NTRK2: variants seen among roughly 807,000 people sequenced by gnomAD.
NTRK2 encodes the protein BDNF/NT-3 growth factors receptor.
In NTRK2, 13 loss-of-function variants were observed where a neutral mutation model predicts 94.5. That is an observed-to-expected ratio of 0.14 (90% confidence interval 0.09 to 0.22). The LOEUF is 0.22. Ranked by LOEUF, NTRK2 falls within the 10% of genes least tolerant of loss-of-function variation. NTRK2 has a pLI of 1.00. For synonymous variants in NTRK2, 372 were observed against 407.4 expected, an observed-to-expected ratio of 0.91 and a Z score of 1.05; for missense variants, 639 against 1,071.2, an observed-to-expected ratio of 0.60 and a Z score of 5.63.
intron 14 of NTRK2, among the ~76,000 whole-genome samples, chr9:84,921,432 G>C (rs2077563823): frequency 6.6e-6 from 1 of 152,152 alleles, no homozygotes; most frequent in Admixed American, 6.5e-5. Context: ...TAACACCAGT[G>C]ATTCTTGACA....
chr9:84,994,576 C>T (rs1829504964), intron 17 of NTRK2, among the ~76,000 whole-genome samples: 1 of 152,166 alleles, frequency 6.6e-6, no homozygotes, highest in South Asian at 2.1e-4. Context: ...TGTTACCACT[C>T]CCAGATCACT....
intron 4 of NTRK2, among the ~76,000 whole-genome samples, chr9:84,702,775 C>T (rs112182030): frequency 0.012 from 1,797 of 152,270 alleles, 35 homozygotes; most frequent in East Asian, 0.047. Flanking sequence ...CTAGTGGAAT[C>T]GAAAGAAGCT....
At chr9:84,872,391 C>T in intron 14 of NTRK2, 6 of 1,088,862 alleles carry the variant, frequency 5.5e-6, no homozygotes, top group Admixed American at 9.0e-5. Flanking sequence ...TTATCTTCTC[C>T]CGTCGGAGCA....
rs2059473807 is a variant in NTRK2, at chr9:84,682,806, C to T, written c.212+11846C>T. ...CCTCTTCTACATCTTGGTCGTTTTT[C>T]ACTTGACGATGTATCTTAAAAATGT... On this transcript the variant is annotated intron_variant, in intron 2 of 18. Transcript: ENST00000277120. Among the ~76,000 whole-genome samples the T allele has an allele frequency of 2.0e-5, 3 of 152,190 alleles. No individual in the cohort carries two copies. In the South Asian group the frequency reaches 6.2e-4, roughly 31 times the overall value.
intron 2 of NTRK2, among the ~76,000 whole-genome samples, chr9:84,696,377 G>A (rs926046854): frequency 1.3e-5 from 2 of 152,176 alleles, no homozygotes; most frequent in Admixed American, 1.3e-4. Context: ...ATCTAAATTA[G>A]CTTTTAGATT....
At chr9:84,706,451 C>T (rs916637848) in intron 4 of NTRK2, among the ~76,000 whole-genome samples, 3 of 151,204 alleles carry the variant, frequency 2.0e-5, no homozygotes, top group African/African-American at 2.4e-5. Context: ...CTTGGGCTGA[C>T]GGCAAAGAGT....
intron 12 of NTRK2, among the ~76,000 whole-genome samples, chr9:84,859,292 G>A (rs946934105): frequency 5.3e-5 from 8 of 152,300 alleles, no homozygotes; most frequent in Middle Eastern, 6.8e-3. Flanking sequence ...ATTGGAAATT[G>A]TGCGTCTTTA....
chr9:84,789,234 A>G (rs1257964889), intron 12 of NTRK2, among the ~76,000 whole-genome samples: 1 of 152,178 alleles, frequency 6.6e-6, no homozygotes, highest in African/African-American at 2.4e-5. Context: ...GTCCTCAGGT[A>G]TGGCTGGAAG....
chr9:84,815,578 T>A (rs1247106318), intron 12 of NTRK2: 1 of 1,011,548 alleles, frequency 9.9e-7, no homozygotes, highest in Admixed American at 5.9e-5. Flanking sequence ...CCACATTTTC[T>A]GTAAATAATG....
chr9:85,011,643 G>A (rs1347612090), intron 17 of NTRK2, among the ~76,000 whole-genome samples: 1 of 152,152 alleles, frequency 6.6e-6, no homozygotes, highest in Non-Finnish European at 1.5e-5. Flanking sequence ...CAAATTGGCT[G>A]GAACCTTGAC....
rs370833799 is a variant in NTRK2, at chr9:84,990,573, C to T, written c.2173-29633C>T. 4.6e-5 allele frequency among the ~76,000 whole-genome samples: 7 copies of T among 152,300 alleles called. No individual in the cohort carries two copies. The East Asian group carries it at 1.4e-3, about 29-fold the overall frequency. ...AGATAAAGGCATGGTGGAATTTGCC[C>T]ATTCCTTTGAGTGAAGGAAACTGTC... On this transcript the variant is annotated intron_variant, in intron 17 of 18. Transcript: ENST00000277120.
At chr9:84,995,758 C>T (rs1379704116) in intron 17 of NTRK2, among the ~76,000 whole-genome samples, 1 of 152,192 alleles carries the variant, frequency 6.6e-6, no homozygotes, top group African/African-American at 2.4e-5. Flanking sequence ...TAAGGACATA[C>T]CACCTTTATC....
intron 2 of NTRK2, among the ~76,000 whole-genome samples, chr9:84,697,745 A>G (rs992061031): frequency 3.9e-5 from 6 of 152,186 alleles, no homozygotes; most frequent in East Asian, 1.9e-4. Flanking sequence ...TTCTGTTTCC[A>G]TGCGGAGGCT....
At chr9:84,834,997 G>A (rs1050443866) in intron 12 of NTRK2, among the ~76,000 whole-genome samples, 3 of 152,184 alleles carry the variant, frequency 2.0e-5, no homozygotes, top group Non-Finnish European at 4.4e-5. Flanking sequence ...TACATTCCTG[G>A]TAGTGGGTAT....
intron 12 of NTRK2, among the ~76,000 whole-genome samples, chr9:84,835,208 G>A (rs1379160428): frequency 6.6e-6 from 1 of 152,178 alleles, no homozygotes; most frequent in Non-Finnish European, 1.5e-5. Context: ...GTGGCATTTA[G>A]TAGGTGTCGC....
intron 12 of NTRK2, among the ~76,000 whole-genome samples, chr9:84,837,588 G>A (rs1450316116): frequency 6.6e-6 from 1 of 152,154 alleles, no homozygotes; most frequent in African/African-American, 2.4e-5. Context: ...AAAGAATTTT[G>A]TCTGATTGAA....
At chr9:84,846,361 C>A (rs1369258926) in intron 12 of NTRK2, among the ~76,000 whole-genome samples, 2 of 152,210 alleles carry the variant, frequency 1.3e-5, no homozygotes, top group Non-Finnish European at 2.9e-5. Flanking sequence ...CAAGCAAAAG[C>A]TATATTTCTA....
At chr9:84,865,652 A>T (rs905292659) in intron 13 of NTRK2, among the ~76,000 whole-genome samples, 2 of 152,230 alleles carry the variant, frequency 1.3e-5, no homozygotes, top group African/African-American at 4.8e-5. Flanking sequence ...AAGAAAGCAC[A>T]TTTCCTTGCG....
chr9:84,835,783 A>G (rs1174141477), intron 12 of NTRK2, among the ~76,000 whole-genome samples: 1 of 152,206 alleles, frequency 6.6e-6, no homozygotes, highest in East Asian at 1.9e-4. Flanking sequence ...GAAAAATAAA[A>G]TGTGTGAGAG....
Sources: allele counts gnomAD v4.1 joint callset (sites outside exome capture counted in the v4.1 genomes callset), GRCh38; gene constraint gnomAD v4.1.1; transcripts MANE v1.5; gene names NCBI Gene and HGNC (gene_info 2026-07-23, HGNC 2026-07-21).